STRIP2: variants seen among roughly 807,000 people sequenced by gnomAD.
STRIP2 encodes striatin interacting protein 2, also known as striatin-interacting protein 2.
Under a neutral mutation model 107.1 loss-of-function variants are expected in STRIP2, and 84 were observed. That is an observed-to-expected ratio of 0.78 (90% CI 0.66 to 0.94). The LOEUF (loss-of-function observed/expected upper bound fraction) is 0.94, where lower values mean the gene tolerates loss of function less well. STRIP2 is among the 40% of genes least tolerant of loss of function. The probability of loss-of-function intolerance (pLI) is 0.00; values close to 1 mark genes in which losing one functional copy is unlikely to be tolerated. For missense variants in STRIP2, 888 were observed against 1,034.2 expected, an observed-to-expected ratio of 0.86 and a Z score of 1.94; for synonymous variants, 394 against 400.4, an observed-to-expected ratio of 0.98 and a Z score of 0.19.
intron 16 of STRIP2, 41 bp from the exon 17 acceptor site, chr7:129,467,309 C>A: frequency 1.4e-6 from 2 of 1,434,228 alleles, no homozygotes; most frequent in Non-Finnish European, 2.0e-6. Flanking sequence ...TTCCATTCTC[C>A]TCCAAATAAG....
chr7:129,454,272 C>T, intron 6 of STRIP2, 62 bp downstream of exon 6: 1 of 1,568,544 alleles, frequency 6.4e-7, no homozygotes, highest in South Asian at 1.1e-5. Context: ...GTTACCTTTT[C>T]CCCAAATCCC....
At chr7:129,465,056 G>T (rs957316795) in intron 16 of STRIP2, among the ~76,000 whole-genome samples, 1 of 152,022 alleles carries the variant, frequency 6.6e-6, no homozygotes, top group Non-Finnish European at 1.5e-5. Flanking sequence ...ACAAAAATGG[G>T]GGGGTGGGGG....
In STRIP2 at chr7:129,469,395, A is replaced by G. The variant is rs929449273; in HGVS notation, c.1878-1254A>G. ...TTCTAGATACTTGTAAATTAATTTT[A>G]TGCCCCCTTAGGCTAGATTTCAATT... On this transcript the variant is annotated intron_variant, in intron 17 of 20. Coordinates refer to ENST00000249344, the MANE Select transcript of STRIP2 (RefSeq NM_020704.3). 9.2e-5 allele frequency among the ~76,000 whole-genome samples: 14 copies of G among 152,200 alleles called. 1 individual carries two copies. Among genetic ancestry groups the G allele is most frequent in the Admixed American group, 9.2e-4 (14 of 15,278 alleles).
chr7:129,466,945 A>C (rs911114330), intron 16 of STRIP2, among the ~76,000 whole-genome samples: 1 of 152,188 alleles, frequency 6.6e-6, no homozygotes, highest in African/African-American at 2.4e-5. Flanking sequence ...TGATGCCAGC[A>C]GTTGCCAAGA....
In STRIP2 at chr7:129,485,854, A is replaced by G. The variant is rs1799234899; in HGVS notation, c.*25A>G. ...ACTAAGTTCTTGTCAACAAGCATCA[A>G]TAGATAGAGGTCAGCTCCAATAAAC... On this transcript the variant is annotated 3_prime_UTR_variant, in exon 21 of 21. Transcript: ENST00000249344. 1 of 1,612,410 alleles carries G rather than the reference A, an allele frequency of 6.2e-7. No individual in the cohort carries two copies. The highest frequency in any genetic ancestry group is 1.3e-5 in the African/African-American group (1 of 74,912).
intron 1 of STRIP2, among the ~76,000 whole-genome samples, chr7:129,436,233 G>A (rs974720752): frequency 6.6e-6 from 1 of 152,200 alleles, no homozygotes; most frequent in African/African-American, 2.4e-5. Flanking sequence ...GAACAAGATA[G>A]GGTCTTCGCC....
chr7:129,437,530 G>T (rs553334971), intron 1 of STRIP2, among the ~76,000 whole-genome samples: 18 of 151,356 alleles, frequency 1.2e-4, no homozygotes, highest in South Asian at 4.2e-4. Context: ...TCCAGTTTGT[G>T]TGTGTGTGTG....
rs1562908911 is a variant in STRIP2 at position 129,464,035 on chromosome 7, ACTT to A, written c.1552-6_1552-4del. 2.5e-6 allele frequency: 4 copies of A among 1,610,896 alleles called. No homozygotes were observed. In the African/African-American group the frequency reaches 5.3e-5, roughly 22 times the overall value. ...ACAGTGGTAAATTTCTTTATTTTCT[ACTT>A]CTCAGATCGCTCTGCTTAAGATTCT... is the stretch of plus-strand genomic sequence containing the variant. On this transcript the variant is annotated splice_region_variant and splice_polypyrimidine_tract_variant and intron_variant, in intron 14 of 20. Coordinates refer to ENST00000249344, the MANE Select transcript of STRIP2 (RefSeq NM_020704.3).
At chr7:129,471,994 AT>A (rs1027998940) in intron 18 of STRIP2, among the ~76,000 whole-genome samples, 5 of 144,304 alleles carry the variant, frequency 3.5e-5, no homozygotes, top group East Asian at 1.9e-4. Context: ...ATTAAAAAAA[AT>A]TTTTTTTACC....
intron 18 of STRIP2, among the ~76,000 whole-genome samples, chr7:129,479,891 A>G (rs1268472923): frequency 6.6e-6 from 1 of 152,210 alleles, no homozygotes; most frequent in East Asian, 1.9e-4. Context: ...TTGGATGTTC[A>G]TTCCACATTA....
chr7:129,458,114 T>C lies in STRIP2; in HGVS notation c.1039-101T>C, dbSNP rs760505981. On this transcript the variant is annotated intron_variant, in intron 9 of 20. Coordinates refer to ENST00000249344, the MANE Select transcript of STRIP2 (RefSeq NM_020704.3). The surrounding 1 kb of genome is among the most constrained non-coding windows in gnomAD (Gnocchi z 4.6). ...TCGCAAGGGCTGTGTTCAGATTCCA[T>C]GTTCCCTGAAATGTGGAGGCCTGTG... 3 of 884,104 alleles carry C rather than the reference T, an allele frequency of 3.4e-6. 1 individual carries two copies. The South Asian group carries it at 4.3e-5, about 13-fold the overall frequency. The allele number at this position is 884,104 out of a possible 1,614,324, so 54.8% of individuals were successfully genotyped here. A position where few individuals can be genotyped will look rare whatever the true frequency, so the allele number is the denominator to read the frequency against.
intron 13 of STRIP2, 31 bp downstream of exon 13, chr7:129,460,403 A>G (rs998025212): frequency 2.6e-5 from 42 of 1,589,878 alleles, no homozygotes; most frequent in Non-Finnish European, 3.4e-5. Flanking sequence ...ACAGGAGGAG[A>G]GTAGAAGAAA....
At chr7:129,473,194 CTT>C (rs1798835326) in intron 18 of STRIP2, among the ~76,000 whole-genome samples, 1 of 152,116 alleles carries the variant, frequency 6.6e-6, no homozygotes, top group Non-Finnish European at 1.5e-5. Flanking sequence ...GAAAAATACT[CTT>C]ATGCCACCTA....
intron 18 of STRIP2, among the ~76,000 whole-genome samples, chr7:129,475,541 CTCTTTTTTTTTCTTT>C (rs1798894882): frequency 1.4e-5 from 1 of 73,768 alleles, no homozygotes; most frequent in Non-Finnish European, 2.5e-5. Flanking sequence ...GTGGTGATGA[CTCTTTTTTTTTCTTT>C]TTTTTTTTTT....
At chr7:129,482,355 CTATATATA>C (rs201665090) in intron 19 of STRIP2, among the ~76,000 whole-genome samples, 60 of 109,218 alleles carry the variant, frequency 5.5e-4, no homozygotes, top group South Asian at 1.9e-3. Context: ...CTCTCTCTCT[CTATATATA>C]TATATATATA....
chr7:129,464,859 C>A (rs1798633302), intron 16 of STRIP2, 121 bp downstream of exon 16: 2 of 1,338,464 alleles, frequency 1.5e-6, no homozygotes, highest in East Asian at 2.3e-5. Context: ...TCTTTGTCCT[C>A]TCTCAGGGAA....
chr7:129,442,892 G>C (rs1797937947), intron 2 of STRIP2, among the ~76,000 whole-genome samples: 2 of 152,142 alleles, frequency 1.3e-5, no homozygotes, highest in African/African-American at 4.8e-5. Flanking sequence ...CAGGTAGGGA[G>C]CAGAGATTTA....
At chr7:129,476,075 G>A (rs1352444209) in intron 18 of STRIP2, among the ~76,000 whole-genome samples, 6 of 152,110 alleles carry the variant, frequency 3.9e-5, no homozygotes, top group African/African-American at 1.4e-4. Context: ...ATGAGCTGTT[G>A]GGTACACCTC....
At chr7:129,473,183 A>G (rs1798835096) in intron 18 of STRIP2, among the ~76,000 whole-genome samples, 1 of 152,194 alleles carries the variant, frequency 6.6e-6, no homozygotes, top group South Asian at 2.1e-4. Flanking sequence ...AGTATGAGGA[A>G]GAAAAATACT....
Sources: gnomAD v4.1 joint callset for allele counts (sites outside exome capture counted in the v4.1 genomes callset) on GRCh38, gnomAD v4.1.1 for gene constraint, Gnocchi (gnomAD v3.1) non-coding constraint, MANE v1.5 for transcripts, NCBI Gene and HGNC (gene_info 2026-07-23, HGNC 2026-07-21) for gene names.